Variants in SPMAP2L observed in about 807,000 individuals in gnomAD.
SPMAP2L encodes the protein sperm microtubule associated protein 2 like.
chr4:56,576,315 T>TA, the SPMAP2L span, among the ~76,000 whole-genome samples: 1,042 of 152,280 alleles, frequency 6.8e-3, 14 homozygotes, highest in African/African-American at 0.024. Context: ...ATGTTTAGTT[T>TA]AAAAAGAGAA....
chr4:56,581,658 T>C, the SPMAP2L span, among the ~76,000 whole-genome samples: 1 of 151,518 alleles, frequency 6.6e-6, no homozygotes. Flanking sequence ...CTTTTTTTCA[T>C]AGAAATTGAT....
the SPMAP2L span, among the ~76,000 whole-genome samples, chr4:56,541,117 T>C: frequency 2.0e-5 from 3 of 152,224 alleles, no homozygotes; most frequent in Non-Finnish European, 4.4e-5. Flanking sequence ...CCAATCACTA[T>C]GAACAAATGT....
chr4:56,624,157 G>T, the SPMAP2L span, among the ~76,000 whole-genome samples: 1 of 152,234 alleles, frequency 6.6e-6, no homozygotes, highest in Non-Finnish European at 1.5e-5. Context: ...TTATGTTTTA[G>T]CAAAGAGACT....
At chr4:56,563,052 GT>G in the SPMAP2L span, among the ~76,000 whole-genome samples, 34 of 139,550 alleles carry the variant, frequency 2.4e-4, no homozygotes, top group African/African-American at 8.9e-4. Context: ...TTGATTATGA[GT>G]TAATTACTGC....
At chr4:56,600,550 C>T in the SPMAP2L span, among the ~76,000 whole-genome samples, 1 of 152,162 alleles carries the variant, frequency 6.6e-6, no homozygotes, top group African/African-American at 2.4e-5. Context: ...CCTTGGCCTC[C>T]CAAAGTGATA....
chr4:56,571,288 T>A, the SPMAP2L span, among the ~76,000 whole-genome samples: 1 of 150,924 alleles, frequency 6.6e-6, no homozygotes, highest in Admixed American at 6.6e-5. Context: ...TAACATAAGC[T>A]TTTTTTTTCT....
chr4:56,589,050 G>T, the SPMAP2L span, among the ~76,000 whole-genome samples: 1 of 151,814 alleles, frequency 6.6e-6, no homozygotes, highest in Non-Finnish European at 1.5e-5. Context: ...GTGCAGTGGC[G>T]CAATCTCAGC....
At chr4:56,558,766 G>T in the SPMAP2L span, among the ~76,000 whole-genome samples, 1 of 151,926 alleles carries the variant, frequency 6.6e-6, no homozygotes, top group East Asian at 1.9e-4. Context: ...AAATCCTATT[G>T]TCGTTTGATT....
chr4:56,589,075 G>A, the SPMAP2L span, among the ~76,000 whole-genome samples: 162 of 151,832 alleles, frequency 1.1e-3, 2 homozygotes, highest in African/African-American at 3.6e-3. Context: ...TGCAATCTCC[G>A]CCTCCCAGGT....
At chr4:56,605,109 T>G in the SPMAP2L span, among the ~76,000 whole-genome samples, 14 of 152,226 alleles carry the variant, frequency 9.2e-5, no homozygotes, top group East Asian at 7.7e-4. Flanking sequence ...CTAAATAACT[T>G]ATCTATGTAA....
At chr4:56,550,787 T>C in the SPMAP2L span, among the ~76,000 whole-genome samples, 9 of 152,284 alleles carry the variant, frequency 5.9e-5, no homozygotes, top group East Asian at 1.7e-3. Flanking sequence ...CCTGTATCCT[T>C]TAAAAAGTTC....
the SPMAP2L span, among the ~76,000 whole-genome samples, chr4:56,566,683 C>A: frequency 1.7e-5 from 2 of 118,680 alleles, no homozygotes; most frequent in African/African-American, 6.3e-5. Flanking sequence ...GATTCTTTTT[C>A]TTTTTCTTTT....
the SPMAP2L span, among the ~76,000 whole-genome samples, chr4:56,565,809 A>G: frequency 6.6e-6 from 1 of 152,216 alleles, no homozygotes; most frequent in Non-Finnish European, 1.5e-5. Context: ...AGCATTTTGA[A>G]TAAGGGATAC....
chr4:56,605,742 G>C, the SPMAP2L span, among the ~76,000 whole-genome samples: 1 of 151,884 alleles, frequency 6.6e-6, no homozygotes, highest in African/African-American at 2.4e-5. Flanking sequence ...GCATTTCAAA[G>C]GAGCCCAATT....
chr4:56,591,289 A>T, the SPMAP2L span, among the ~76,000 whole-genome samples: 1 of 152,096 alleles, frequency 6.6e-6, no homozygotes, highest in Non-Finnish European at 1.5e-5. Flanking sequence ...CCCTTCCACC[A>T]TGATTGTAAA....
the SPMAP2L span, chr4:56,552,609 A>G: frequency 6.6e-7 from 1 of 1,509,538 alleles, no homozygotes; most frequent in Non-Finnish European, 8.9e-7. Context: ...GGGGAACTCC[A>G]GACAGGTAAG....
the SPMAP2L span, among the ~76,000 whole-genome samples, chr4:56,615,032 C>T: frequency 6.6e-6 from 1 of 152,280 alleles, no homozygotes; most frequent in East Asian, 1.9e-4. Flanking sequence ...ACAATACATC[C>T]TTATGCTATT....
At chr4:56,531,099 C>G in the SPMAP2L span, 1 of 1,535,548 alleles carries the variant, frequency 6.5e-7, no homozygotes, top group East Asian at 2.4e-5. Flanking sequence ...TGCTTCCCAG[C>G]GCCGCAGTAA....
At chr4:56,578,081 T>G in the SPMAP2L span, among the ~76,000 whole-genome samples, 2 of 152,240 alleles carry the variant, frequency 1.3e-5, no homozygotes, top group East Asian at 3.8e-4. Flanking sequence ...ATATAGTACA[T>G]TATAATTACA....
Sources: allele counts gnomAD v4.1 joint callset (sites outside exome capture counted in the v4.1 genomes callset), GRCh38; gene constraint gnomAD v4.1.1; transcripts MANE v1.5; gene names NCBI Gene and HGNC (gene_info 2026-07-23, HGNC 2026-07-21).